DPYD: variants seen among roughly 807,000 people sequenced by gnomAD.
DPYD encodes dihydropyrimidine dehydrogenase [NADP(+)].
Under a neutral mutation model 116.2 loss-of-function variants are expected in DPYD, and 109 were observed. The observed-to-expected ratio is 0.94, with a 90% CI of 0.80 to 1.10. The LOEUF is 1.10. Among genes scored for constraint, DPYD ranks in the 50% least tolerant of loss-of-function variants. The pLI, the probability that DPYD is intolerant of heterozygous loss-of-function variation, is 0.00. For missense variants in DPYD, 1,302 were observed against 1,254.5 expected (o/e 1.04, Z -0.57); for synonymous variants, 440 against 432.0 (o/e 1.02, Z -0.23).
intron 12 of DPYD, among the ~76,000 whole-genome samples, chr1:97,525,040 C>T (rs977125994): frequency 3.3e-5 from 5 of 152,162 alleles, no homozygotes; most frequent in African/African-American, 1.2e-4. Context: ...TTACACCTTA[C>T]AGCCAGTCTG....
intron 5 of DPYD, among the ~76,000 whole-genome samples, chr1:97,708,013 G>A (rs547013127): frequency 1.1e-4 from 16 of 151,864 alleles, no homozygotes; most frequent in Admixed American, 1.1e-3. Context: ...TTGTTTCTGT[G>A]TTTGTTTTGA....
chr1:97,594,495 A>G (rs980573898), intron 9 of DPYD, among the ~76,000 whole-genome samples: 1 of 152,182 alleles, frequency 6.6e-6, no homozygotes, highest in Non-Finnish European at 1.5e-5. Flanking sequence ...CCTCTTTAAA[A>G]ATATACATTT....
At chr1:97,227,321 G>C (rs902467946) in intron 19 of DPYD, among the ~76,000 whole-genome samples, 5 of 84,416 alleles carry the variant, frequency 5.9e-5, no homozygotes, top group African/African-American at 2.7e-4. Flanking sequence ...AACAGAGTGA[G>C]ACTCTATCTC....
At chr1:97,556,116 T>C (rs1415142314) in intron 11 of DPYD, among the ~76,000 whole-genome samples, 3 of 152,270 alleles carry the variant, frequency 2.0e-5, no homozygotes, top group Admixed American at 2.0e-4. Flanking sequence ...AGGTCCTTAC[T>C]CTCAGGGTCA....
At chr1:97,883,214 T>C in intron 2 of DPYD, 50 bp downstream of exon 2, 1 of 1,237,964 alleles carries the variant, frequency 8.1e-7, no homozygotes, top group Non-Finnish European at 1.2e-6. Context: ...CCTTACAATG[T>C]GTGGAGTGAG....
chr1:97,268,868 C>CA (rs1318956373), intron 18 of DPYD, among the ~76,000 whole-genome samples: 1 of 152,172 alleles, frequency 6.6e-6, no homozygotes, highest in African/African-American at 2.4e-5. Context: ...CTTTAGCAAA[C>CA]AGTCGCTTAG....
intron 16 of DPYD, chr1:97,322,738 C>G (rs2101113293): frequency 6.6e-6 from 1 of 151,840 alleles, no homozygotes; most frequent in Non-Finnish European, 1.5e-5. Flanking sequence ...GCGAGGTTAC[C>G]CCATTTTGGG....
chr1:97,399,004 G>C (rs1313717198), intron 14 of DPYD, among the ~76,000 whole-genome samples: 2 of 152,144 alleles, frequency 1.3e-5, no homozygotes, highest in African/African-American at 4.8e-5. Context: ...TGGTGTTTTA[G>C]ACATGAAGTC....
chr1:97,254,895 C>T (rs1663348698), intron 18 of DPYD, among the ~76,000 whole-genome samples: 1 of 152,036 alleles, frequency 6.6e-6, no homozygotes, highest in Admixed American at 6.6e-5. Flanking sequence ...AAGATAAAAC[C>T]GAAGTTTTGA....
At chr1:97,458,617 G>C (rs1299744025) in intron 13 of DPYD, among the ~76,000 whole-genome samples, 1 of 152,156 alleles carries the variant, frequency 6.6e-6, no homozygotes, top group Non-Finnish European at 1.5e-5. Flanking sequence ...ACGTTGTTAG[G>C]TAGAGTAGAA....
At chr1:97,700,594 A>C (rs1456740060) in intron 5 of DPYD, among the ~76,000 whole-genome samples, 1 of 152,038 alleles carries the variant, frequency 6.6e-6, no homozygotes, top group East Asian at 1.9e-4. Flanking sequence ...AAACGATAGA[A>C]TGCACTTTCT....
At chr1:97,647,727 G>A (rs1286679502) in intron 8 of DPYD, among the ~76,000 whole-genome samples, 1 of 151,844 alleles carries the variant, frequency 6.6e-6, no homozygotes, top group Non-Finnish European at 1.5e-5. Flanking sequence ...TATAACTTCT[G>A]AGAAAACAGA....
chr1:97,393,188 A>C (rs1462255620), intron 14 of DPYD, among the ~76,000 whole-genome samples: 1 of 151,980 alleles, frequency 6.6e-6, no homozygotes, highest in African/African-American at 2.4e-5. Context: ...CTTTCTCACT[A>C]ATCTTAATCA....
intron 20 of DPYD, among the ~76,000 whole-genome samples, chr1:97,177,133 T>A (rs6593635): frequency 0.72 from 109,701 of 152,030 alleles, 41,250 homozygotes; most frequent in East Asian, 0.99. Flanking sequence ...TTAAGCGTTC[T>A]ATTTCCACAC....
At chr1:97,732,853 T>C (rs1245769299) in intron 4 of DPYD, among the ~76,000 whole-genome samples, 1 of 152,146 alleles carries the variant, frequency 6.6e-6, no homozygotes, top group East Asian at 1.9e-4. Flanking sequence ...TATTATAGTC[T>C]GAACATGGTG....
chr1:97,586,462 A>G (rs1654107153), intron 10 of DPYD, among the ~76,000 whole-genome samples: 1 of 62,274 alleles, frequency 1.6e-5, no homozygotes, highest in Non-Finnish European at 3.4e-5. Context: ...AAATACATAC[A>G]TACATATATA....
rs189031418 is a variant in DPYD, at chr1:97,513,645, G to A, written c.1740+2081C>T. ...TAAATTGGTATACTATAATGTCACC[G>A]AAATGTATAGTACATGTAATATTTT... On this transcript the variant is annotated intron_variant, in intron 13 of 22. Coordinates refer to ENST00000370192, the MANE Select transcript of DPYD (RefSeq NM_000110.4). 4.6e-5 allele frequency among the ~76,000 whole-genome samples: 7 copies of A among 151,786 alleles called. No individual in the cohort carries two copies. The East Asian group carries it at 7.8e-4, about 17-fold the overall frequency.
intron 14 of DPYD, among the ~76,000 whole-genome samples, chr1:97,400,839 TTTC>T (rs1315555448): frequency 6.6e-6 from 1 of 152,150 alleles, no homozygotes; most frequent in Non-Finnish European, 1.5e-5. Context: ...TCTTCTCTCT[TTTC>T]TTCTTTATTA....
chr1:97,405,845 G>A (rs1031507489), intron 14 of DPYD, among the ~76,000 whole-genome samples: 1 of 152,040 alleles, frequency 6.6e-6, no homozygotes, highest in African/African-American at 2.4e-5. Flanking sequence ...TTTAACTCCA[G>A]TCTATTCTTG....
Sources: allele counts gnomAD v4.1 joint callset (sites outside exome capture counted in the v4.1 genomes callset), GRCh38; gene constraint gnomAD v4.1.1; transcripts MANE v1.5; gene names NCBI Gene and HGNC (gene_info 2026-07-23, HGNC 2026-07-21).